Variants in FOXP1 observed in about 807,000 individuals in gnomAD.
FOXP1 encodes the protein forkhead box P1.
A neutral mutation model predicts 98.2 loss-of-function variants in FOXP1; 15 were observed. That is an observed-to-expected ratio of 0.15 (90% confidence interval 0.10 to 0.24). The LOEUF (loss-of-function observed/expected upper bound fraction) is 0.24, where lower values mean the gene tolerates loss of function less well. FOXP1 is among the 10% of genes least tolerant of loss of function. The pLI is 1.00. For synonymous variants in FOXP1, 371 were observed against 314.5 expected (o/e 1.18, Z -1.90); for missense variants, 633 against 848.5 (o/e 0.75, Z 3.15).
At chr3:71,144,389 C>T (rs2108018500) in intron 6 of FOXP1, among the ~76,000 whole-genome samples, 1 of 152,268 alleles carries the variant, frequency 6.6e-6, no homozygotes, top group Non-Finnish European at 1.5e-5. Flanking sequence ...GAGAGTGGTG[C>T]CCTGGGAACC....
chr3:71,544,268 T>C (rs1481074237), intron 2 of FOXP1, among the ~76,000 whole-genome samples: 2 of 151,554 alleles, frequency 1.3e-5, no homozygotes, highest in African/African-American at 2.4e-5. Flanking sequence ...AATATGTATT[T>C]ATTTCTTTTA....
intron 7 of FOXP1, among the ~76,000 whole-genome samples, chr3:71,088,387 T>C (rs2055377354): frequency 1.4e-5 from 2 of 141,758 alleles, no homozygotes; most frequent in South Asian, 5.6e-4. Context: ...GGTGATACAT[T>C]GTTTTGTTTT....
Position 71,399,479 on chromosome 3 carries a change from T to G in FOXP1, c.-167-40235A>C, listed in dbSNP as rs1024011579. Among the ~76,000 whole-genome samples the G allele has an allele frequency of 3.3e-5, 5 of 152,330 alleles. No homozygotes were observed. The South Asian group carries it at 8.3e-4, about 25-fold the overall frequency. ...AGCAAGTTTCAAAATAAGCAGCTATTTGGGTATACCTGAAGTTCTAAAATC... is the reference window on the plus strand; with the variant it reads ...AGCAAGTTTCAAAATAAGCAGCTATGTGGGTATACCTGAAGTTCTAAAATC... On this transcript the variant is annotated intron_variant, in intron 3 of 20. Transcript: ENST00000649528.
rs779139545 is a variant in FOXP1, at chr3:70,957,041, ATC to A, written c.*2204_*2205del. On this transcript the variant is annotated 3_prime_UTR_variant, in exon 21 of 21. Transcript: ENST00000649528. ...CAAAAGTGGCATACAATCTAAAAATATCTCTTTTTCTAGAAATACTATTATGT... is the reference window on the plus strand; with the variant it reads ...CAAAAGTGGCATACAATCTAAAAATATCTTTTTCTAGAAATACTATTATGT... The A allele has an allele frequency of 2.0e-4, 45 of 222,490 alleles. No homozygotes were observed. Among genetic ancestry groups the A allele is most frequent in the South Asian group, 3.7e-4 (2 of 5,448 alleles). The allele number at this position is 222,490 out of a possible 1,614,324, so 13.8% of individuals were successfully genotyped here.
At chr3:71,420,353 A>G (rs1457578306) in intron 3 of FOXP1, among the ~76,000 whole-genome samples, 1 of 152,164 alleles carries the variant, frequency 6.6e-6, no homozygotes, top group African/African-American at 2.4e-5. Context: ...GATGAGACTA[A>G]TATTAGGGCA....
chr3:71,565,281 T>C (rs531167116), intron 2 of FOXP1, among the ~76,000 whole-genome samples: 1 of 152,286 alleles, frequency 6.6e-6, no homozygotes, highest in East Asian at 1.9e-4. Context: ...AGGCCTTCTA[T>C]AGGGATACCA....
At chr3:70,970,579 G>A in intron 19 of FOXP1, 157 bp downstream of exon 19, 1 of 719,744 alleles carries the variant, frequency 1.4e-6, no homozygotes, top group Non-Finnish European at 2.5e-6. Flanking sequence ...GCAGCCCGAT[G>A]TGTTTGCCTC....
At position 71,344,673 on chromosome 3, in the gene FOXP1, C is replaced by G. The variant is rs188886991; in HGVS notation, c.-73+14477G>C. On this transcript the variant is annotated intron_variant, in intron 4 of 20. Transcript: ENST00000649528. ...CCAACATGGCGAAACCCCCTGTGCA[C>G]TAAAAATACAAAAAAATTAGCCAGG... Among the ~76,000 whole-genome samples the G allele has an allele frequency of 4.6e-5, 7 of 152,102 alleles. No individual in the cohort carries two copies. The East Asian group carries it at 1.4e-3, about 29-fold the overall frequency.
intron 13 of FOXP1, among the ~76,000 whole-genome samples, chr3:70,990,351 A>G (rs1460724943): frequency 2.0e-5 from 3 of 152,178 alleles, no homozygotes; most frequent in African/African-American, 2.4e-5. Flanking sequence ...ATTCACACCT[A>G]TTGAAACCAC....
At chr3:71,371,099 C>T (rs1013460345) in intron 3 of FOXP1, among the ~76,000 whole-genome samples, 2 of 152,094 alleles carry the variant, frequency 1.3e-5, no homozygotes, top group African/African-American at 4.8e-5. Context: ...CCCAGAGTTT[C>T]TGATTCACTA....
chr3:71,427,909 G>C (rs1577444501), intron 3 of FOXP1, among the ~76,000 whole-genome samples: 1 of 151,858 alleles, frequency 6.6e-6, no homozygotes, highest in Non-Finnish European at 1.5e-5. Context: ...TGAAGGTCAG[G>C]GGGGATTCTT....
intron 3 of FOXP1, among the ~76,000 whole-genome samples, chr3:71,442,277 T>G (rs2086007451): frequency 6.6e-6 from 1 of 152,012 alleles, no homozygotes; most frequent in South Asian, 2.1e-4. Context: ...CAGACTGAGT[T>G]GCTTGACACA....
intron 3 of FOXP1, among the ~76,000 whole-genome samples, chr3:71,395,100 CAAAAAAAAAAA>C (rs10543398): frequency 6.3e-5 from 4 of 63,796 alleles, no homozygotes; most frequent in South Asian, 1.2e-3. Context: ...AACCCCGTCA[CAAAAAAAAAAA>C]AAAAAAAAAA....
intron 6 of FOXP1, among the ~76,000 whole-genome samples, chr3:71,121,033 T>C (rs2058725186): frequency 8.8e-6 from 1 of 113,414 alleles, no homozygotes; most frequent in Non-Finnish European, 1.8e-5. Context: ...ATTATATTTT[T>C]TCTTTCTTTC....
intron 13 of FOXP1, among the ~76,000 whole-genome samples, chr3:70,995,013 T>TGTCAGATG (rs1194115639): frequency 3.3e-5 from 5 of 152,136 alleles, no homozygotes; most frequent in African/African-American, 1.2e-4. Flanking sequence ...AAGTCAATTC[T>TGTCAGATG]GTCAGATGTT....
chr3:71,103,087 G>C (rs1367688907), intron 7 of FOXP1, among the ~76,000 whole-genome samples: 3 of 152,146 alleles, frequency 2.0e-5, no homozygotes, highest in African/African-American at 7.2e-5. Flanking sequence ...AAATTAACCT[G>C]ACTTAGGGTA....
At chr3:71,287,253 C>T (rs560800590) in intron 5 of FOXP1, among the ~76,000 whole-genome samples, 3 of 152,144 alleles carry the variant, frequency 2.0e-5, no homozygotes, top group African/African-American at 7.2e-5. Context: ...GGGTGGATCC[C>T]CTCATCCCAG....
chr3:70,976,799 C>G (rs1224017066), intron 17 of FOXP1, 142 bp downstream of exon 17: 7 of 669,030 alleles, frequency 1.0e-5, no homozygotes, highest in East Asian at 2.8e-5. Context: ...TTTTCCCAAT[C>G]AAATACACCT....
chr3:71,198,159 C>T (rs367721518), intron 6 of FOXP1, 43 bp downstream of exon 6: 281 of 1,613,700 alleles, frequency 1.7e-4, no homozygotes, highest in Non-Finnish European at 2.2e-4. Flanking sequence ...CAGTAAAATT[C>T]GCACCCACCA....
Sources: gnomAD v4.1 joint callset for allele counts (sites outside exome capture counted in the v4.1 genomes callset) on GRCh38, gnomAD v4.1.1 for gene constraint, MANE v1.5 for transcripts, NCBI Gene and HGNC (gene_info 2026-07-23, HGNC 2026-07-21) for gene names.